The following PCED1B variants were observed in gnomAD, a reference collection of about 807,000 sequenced individuals.
PCED1B encodes PC-esterase domain-containing protein 1B.
For missense variants in PCED1B, 573 were observed against 573.9 expected (o/e 1.00, Z 0.02); for synonymous variants, 251 against 246.1 (o/e 1.02, Z -0.19).
intron 2 of PCED1B, among the ~76,000 whole-genome samples, chr12:47,131,897 G>C (rs1365506481): frequency 6.6e-6 from 1 of 152,010 alleles, no homozygotes; most frequent in East Asian, 1.9e-4. Flanking sequence ...TTGATCTCCT[G>C]ACCTCGTGAT....
chr12:47,131,146 A>G (rs1306073178), intron 2 of PCED1B, among the ~76,000 whole-genome samples: 1 of 152,162 alleles, frequency 6.6e-6, no homozygotes, highest in Non-Finnish European at 1.5e-5. Context: ...AGGCATTCCA[A>G]TATCTATCAC....
intron 3 of PCED1B, among the ~76,000 whole-genome samples, chr12:47,231,781 G>T (rs1293360098): frequency 6.6e-6 from 1 of 152,208 alleles, no homozygotes; most frequent in South Asian, 2.1e-4. Flanking sequence ...GGACAGAACT[G>T]TATTAACAGG....
At chr12:47,188,332 A>G (rs951768499) in intron 2 of PCED1B, among the ~76,000 whole-genome samples, 2 of 152,184 alleles carry the variant, frequency 1.3e-5, no homozygotes, top group Non-Finnish European at 2.9e-5. Context: ...ATGATGTCCC[A>G]CACAAAAGCC....
chr12:47,215,372 G>GC (rs558378840), intron 2 of PCED1B, among the ~76,000 whole-genome samples: 89 of 151,490 alleles, frequency 5.9e-4, no homozygotes, highest in African/African-American at 1.4e-3. Flanking sequence ...TCCTGCCTCA[G>GC]CCCCCCGAGT....
intron 2 of PCED1B, among the ~76,000 whole-genome samples, chr12:47,177,578 T>G (rs1337881318): frequency 6.6e-6 from 1 of 152,156 alleles, no homozygotes; most frequent in Non-Finnish European, 1.5e-5. Flanking sequence ...ATAGCACCTA[T>G]GTTGTACTGA....
Position 47,172,657 on chromosome 12 carries a change from C to T in PCED1B, c.-525-43565C>T, listed in dbSNP as rs1356777318. Among the ~76,000 whole-genome samples, 6 of 152,164 alleles carry T rather than the reference C, an allele frequency of 3.9e-5. No individual in the cohort carries two copies. In the East Asian group the frequency reaches 1.2e-3, roughly 29 times the overall value. On this transcript the variant is annotated intron_variant, in intron 2 of 3. Transcript: ENST00000546455. ...TAGCTTTATGAACTTGGGCAAACTGCTTAATTTTCTGACCCTGATCCTGTA... is the reference window on the plus strand; with the variant it reads ...TAGCTTTATGAACTTGGGCAAACTGTTTAATTTTCTGACCCTGATCCTGTA...
chr12:47,119,819 G>A (rs1293936438), intron 2 of PCED1B, among the ~76,000 whole-genome samples: 1 of 151,908 alleles, frequency 6.6e-6, no homozygotes, highest in East Asian at 1.9e-4. Flanking sequence ...ACAAAAATTA[G>A]CCAGGCATGG....
intron 3 of PCED1B, among the ~76,000 whole-genome samples, chr12:47,232,414 A>T (rs1013490804): frequency 1.3e-5 from 2 of 152,216 alleles, no homozygotes. Flanking sequence ...TCATTTTTGT[A>T]TTTATACCCA....
chr12:47,192,376 T>C (rs1942472204), intron 2 of PCED1B, among the ~76,000 whole-genome samples: 1 of 152,192 alleles, frequency 6.6e-6, no homozygotes, highest in African/African-American at 2.4e-5. Context: ...AAAATGGAGA[T>C]GACCAGTAAG....
chr12:47,115,257 G>A (rs563445340), intron 2 of PCED1B, among the ~76,000 whole-genome samples: 1 of 152,240 alleles, frequency 6.6e-6, no homozygotes, highest in Admixed American at 6.5e-5. Flanking sequence ...GAAGGGGTCT[G>A]CTGCTCCTTT....
chr12:47,136,585 C>T (rs1013062702), intron 2 of PCED1B, among the ~76,000 whole-genome samples: 2 of 152,202 alleles, frequency 1.3e-5, no homozygotes, highest in African/African-American at 4.8e-5. Context: ...TAAAAGATGA[C>T]TCTTTGAAAG....
chr12:47,223,811 T>C (rs1375980001), intron 3 of PCED1B: 1 of 152,202 alleles, frequency 6.6e-6, no homozygotes, highest in Non-Finnish European at 1.5e-5. Context: ...GCCAAAGGAT[T>C]AGAGGGGCCT....
At chr12:47,129,175 G>A (rs1190897983) in intron 2 of PCED1B, among the ~76,000 whole-genome samples, 4 of 152,084 alleles carry the variant, frequency 2.6e-5, no homozygotes, top group African/African-American at 4.8e-5. Flanking sequence ...TACATCTCAA[G>A]TTAAAATTCC....
chr12:47,089,428 CAGAGCA>C (rs1306530905), intron 1 of PCED1B, among the ~76,000 whole-genome samples: 4 of 112,280 alleles, frequency 3.6e-5, no homozygotes, highest in Non-Finnish European at 7.1e-5. Flanking sequence ...GCCTGGGTGA[CAGAGCA>C]AGACTCCATC....
intron 2 of PCED1B, among the ~76,000 whole-genome samples, chr12:47,150,372 G>A (rs1202527376): frequency 1.3e-5 from 2 of 151,724 alleles, no homozygotes; most frequent in African/African-American, 4.8e-5. Context: ...TCAGGAGTTC[G>A]AGACCAACCT....
Position 47,094,510 on chromosome 12 carries a change from G to A in PCED1B, c.-608-9603G>A, listed in dbSNP as rs942440893. ...GTTGTCATTTTATGTTCTTTTTTTC[G>A]CCCTCTCTTTCCTCTATTTTTTTAA... is the stretch of plus-strand genomic sequence containing the variant. On this transcript the variant is annotated intron_variant, in intron 1 of 3. Transcript: ENST00000546455. 7.4e-5 allele frequency among the ~76,000 whole-genome samples: 11 copies of A among 148,044 alleles called. No homozygotes were observed. The South Asian group carries it at 8.5e-4, about 11-fold the overall frequency.
At chr12:47,168,885 TAA>T (rs983692549) in intron 2 of PCED1B, among the ~76,000 whole-genome samples, 3 of 151,954 alleles carry the variant, frequency 2.0e-5, no homozygotes, top group African/African-American at 4.8e-5. Flanking sequence ...AATTGACCTT[TAA>T]AAAAAAGTTA....
chr12:47,137,007 A>G (rs753197783), intron 2 of PCED1B, among the ~76,000 whole-genome samples: 5 of 152,156 alleles, frequency 3.3e-5, no homozygotes, highest in Admixed American at 6.5e-5. Flanking sequence ...TTTTCTTCCT[A>G]GCCAATACCT....
At chr12:47,195,322 C>A (rs1357606607) in intron 2 of PCED1B, among the ~76,000 whole-genome samples, 1 of 122,046 alleles carries the variant, frequency 8.2e-6, no homozygotes, top group Middle Eastern at 4.0e-3. Context: ...GAGCGAGTCT[C>A]TGTCTCAAAA....
Sources: gnomAD v4.1 joint callset for allele counts (sites outside exome capture counted in the v4.1 genomes callset) on GRCh38, gnomAD v4.1.1 for gene constraint, MANE v1.5 for transcripts, NCBI Gene and HGNC (gene_info 2026-07-23, HGNC 2026-07-21) for gene names.